The following MNAT1 variants were observed in gnomAD, a reference collection of about 807,000 sequenced individuals.
MNAT1 encodes the protein MNAT1 component of CDK activating kinase, also known as CDK-activating kinase assembly factor MAT1.
A neutral mutation model predicts 42.0 loss-of-function variants in MNAT1; 43 were observed. The ratio of observed to expected loss-of-function variants is 1.02; its 90% CI spans 0.80 to 1.32. The LOEUF is 1.32. MNAT1 is among the 40% of genes most tolerant of loss of function. The pLI is 0.00. For synonymous variants in MNAT1, 118 were observed against 120.0 expected (o/e 0.98, Z 0.11); for missense variants, 306 against 350.4 (o/e 0.87, Z 1.01).
chr14:60,821,820 ATAT>A (rs1353868895), intron 6 of MNAT1, among the ~76,000 whole-genome samples: 2 of 152,160 alleles, frequency 1.3e-5, no homozygotes, highest in African/African-American at 2.4e-5. Flanking sequence ...TGGGGACTAA[ATAT>A]TGTACTATGT....
At chr14:60,736,932 G>A (rs923610356) in intron 1 of MNAT1, among the ~76,000 whole-genome samples, 6 of 151,972 alleles carry the variant, frequency 3.9e-5, no homozygotes, top group African/African-American at 1.5e-4. Context: ...ATTAAAACAG[G>A]ACTTATTTGG....
chr14:60,920,650 C>T (rs1311419905), intron 7 of MNAT1, among the ~76,000 whole-genome samples: 1 of 152,002 alleles, frequency 6.6e-6, no homozygotes, highest in Non-Finnish European at 1.5e-5. Flanking sequence ...ACCATGTTGG[C>T]CAGGTTGGTC....
At chr14:60,957,840 G>A (rs1452797608) in intron 7 of MNAT1, among the ~76,000 whole-genome samples, 1 of 151,736 alleles carries the variant, frequency 6.6e-6, no homozygotes, top group African/African-American at 2.4e-5. Flanking sequence ...TTTATACTTT[G>A]ATGTTTTTTT....
intron 7 of MNAT1, among the ~76,000 whole-genome samples, chr14:60,965,037 T>A (rs2036657521): frequency 6.6e-6 from 1 of 152,186 alleles, no homozygotes; most frequent in Non-Finnish European, 1.5e-5. Context: ...TTGAAATACT[T>A]CACAGTAACA....
intron 7 of MNAT1, among the ~76,000 whole-genome samples, chr14:60,882,554 A>G (rs1397221174): frequency 6.6e-6 from 1 of 152,172 alleles, no homozygotes; most frequent in East Asian, 1.9e-4. Flanking sequence ...GGGAGTGCAG[A>G]TGTCATTTTG....
At chr14:60,884,072 T>C (rs569896741) in intron 7 of MNAT1, among the ~76,000 whole-genome samples, 1 of 152,274 alleles carries the variant, frequency 6.6e-6, no homozygotes, top group East Asian at 1.9e-4. Flanking sequence ...TTCTCCTGTC[T>C]GATTGCTCTA....
intron 6 of MNAT1, among the ~76,000 whole-genome samples, chr14:60,821,738 A>T (rs1032971926): frequency 6.6e-6 from 1 of 152,154 alleles, no homozygotes; most frequent in African/African-American, 2.4e-5. Context: ...GCTATTTTCC[A>T]TGCCGGTCTC....
intron 7 of MNAT1, among the ~76,000 whole-genome samples, chr14:60,957,582 T>A (rs1204196547): frequency 6.6e-6 from 1 of 152,220 alleles, no homozygotes; most frequent in East Asian, 1.9e-4. Context: ...GGAGCTACAA[T>A]TCAAGATGAA....
chr14:60,869,273 T>G, intron 6 of MNAT1, among the ~76,000 whole-genome samples: 1 of 151,098 alleles, frequency 6.6e-6, no homozygotes, highest in Non-Finnish European at 1.5e-5. Context: ...ACTGCTGAGC[T>G]CAAGCAATCC....
intron 1 of MNAT1, chr14:60,780,500 A>G: frequency 6.6e-7 from 1 of 1,514,458 alleles, no homozygotes; most frequent in South Asian, 1.1e-5. Context: ...ACCACAGTTT[A>G]TTACCAATTC....
chr14:60,800,320 A>C (rs1196704858), intron 3 of MNAT1, among the ~76,000 whole-genome samples: 1 of 152,112 alleles, frequency 6.6e-6, no homozygotes, highest in Non-Finnish European at 1.5e-5. Flanking sequence ...AGGCCAAGGC[A>C]AGAGGATTGC....
At chr14:60,890,771 C>T (rs925081536) in intron 7 of MNAT1, among the ~76,000 whole-genome samples, 2 of 152,158 alleles carry the variant, frequency 1.3e-5, no homozygotes, top group Non-Finnish European at 2.9e-5. Flanking sequence ...CTTCTTTTGC[C>T]TGCTTTATTC....
At chr14:60,963,741 C>A (rs1244380247) in intron 7 of MNAT1, among the ~76,000 whole-genome samples, 1 of 152,188 alleles carries the variant, frequency 6.6e-6, no homozygotes, top group African/African-American at 2.4e-5. Flanking sequence ...AAAAGAAAGT[C>A]TTAGTCTCTA....
rs1373867082 is a variant in MNAT1 at position 60,830,508 on chromosome 14, G to A, written c.687+11661G>A. ...GATTCAGTATTTTCCTGAGAAGTCCGGCTGCCACAAATGTTTGGGAATCTT... is the reference window on the plus strand; with the variant it reads ...GATTCAGTATTTTCCTGAGAAGTCCAGCTGCCACAAATGTTTGGGAATCTT... On this transcript the variant is annotated intron_variant, in intron 6 of 7. Coordinates refer to ENST00000261245, the MANE Select transcript of MNAT1 (RefSeq NM_002431.4). 5.3e-5 allele frequency among the ~76,000 whole-genome samples: 8 copies of A among 152,032 alleles called. No homozygotes were observed. In the South Asian group the frequency reaches 6.2e-4, roughly 12 times the overall value.
intron 1 of MNAT1, among the ~76,000 whole-genome samples, chr14:60,773,582 A>T (rs1200481220): frequency 1.3e-5 from 2 of 152,216 alleles, no homozygotes; most frequent in Non-Finnish European, 2.9e-5. Flanking sequence ...GCCATGAAGA[A>T]TTTACTTCAG....
chr14:60,936,768 A>G (rs967587088), intron 7 of MNAT1, among the ~76,000 whole-genome samples: 1 of 152,136 alleles, frequency 6.6e-6, no homozygotes, highest in African/African-American at 2.4e-5. Flanking sequence ...GTCAAATGGT[A>G]TTTCTAGTTC....
chr14:60,934,255 G>C (rs2035945787), intron 7 of MNAT1, among the ~76,000 whole-genome samples: 1 of 152,198 alleles, frequency 6.6e-6, no homozygotes, highest in African/African-American at 2.4e-5. Context: ...TTCTTACAGG[G>C]ATTTTAGGAC....
intron 6 of MNAT1, among the ~76,000 whole-genome samples, chr14:60,850,365 T>C (rs1372942683): frequency 1.3e-5 from 2 of 152,226 alleles, no homozygotes; most frequent in Non-Finnish European, 2.9e-5. Context: ...TTATTTTCCA[T>C]GTTCTGCATA....
chr14:60,807,839 A>C (rs1277410517), intron 3 of MNAT1, among the ~76,000 whole-genome samples: 1 of 152,090 alleles, frequency 6.6e-6, no homozygotes, highest in Admixed American at 6.6e-5. Context: ...ACTACAAGGG[A>C]AGTAATTCAA....
Sources: gnomAD v4.1 joint callset for allele counts (sites outside exome capture counted in the v4.1 genomes callset) on GRCh38, gnomAD v4.1.1 for gene constraint, MANE v1.5 for transcripts, NCBI Gene and HGNC (gene_info 2026-07-23, HGNC 2026-07-21) for gene names.